The following CHD9 variants were observed in gnomAD, a reference collection of about 807,000 sequenced individuals.
CHD9 encodes the protein chromodomain helicase DNA binding protein 9.
In CHD9, 77 loss-of-function variants were observed where a neutral mutation model predicts 316.1. The ratio of observed to expected loss-of-function variants is 0.24; its 90% CI spans 0.20 to 0.29. The LOEUF is 0.29. CHD9 is among the 10% of genes least tolerant of loss of function. The pLI is 1.00. For missense variants in CHD9, 2,763 were observed against 3,438.1 expected (o/e 0.80, Z 4.91); for synonymous variants, 1,129 against 1,158.3 (o/e 0.97, Z 0.51).
intron 30 of CHD9, among the ~76,000 whole-genome samples, chr16:53,303,226 G>A (rs2055619565): frequency 6.9e-6 from 1 of 144,954 alleles, no homozygotes; most frequent in African/African-American, 2.6e-5. Context: ...ATCAGCTATC[G>A]TTAGTGTTAG....
At chr16:53,207,911 A>C in intron 2 of CHD9, 1 of 336,274 alleles carries the variant, frequency 3.0e-6, no homozygotes. Context: ...TGCAGAGTCT[A>C]ATGGAATAAT....
chr16:53,324,141 C>T lies in CHD9; in HGVS notation c.7940C>T (p.Ala2647Val). 6.2e-7 allele frequency: 1 copy of T among 1,614,024 alleles called. No individual in the cohort carries two copies. Among genetic ancestry groups the T allele is most frequent in the Non-Finnish European group, 8.5e-7 (1 of 1,179,894 alleles). Residue 2647 changes from alanine to valine, a missense_variant, in exon 39 of 39, where the codon GCT becomes GTT. Ala to Val is a moderately conservative substitution (Grantham distance 64). Transcript: ENST00000447540. ...GIAKATAAAAAASATSVSGNP... is the reference protein window; with the variant it reads ...GIAKATAAAAVASATSVSGNP... ...GCAAAGGCCACAGCAGCAGCAGCTG[C>T]TGCATCTGCCACCAGTGTTTCAGGC...
chr16:53,114,081 T>A (rs1308043635), intron 1 of CHD9, among the ~76,000 whole-genome samples: 1 of 151,340 alleles, frequency 6.6e-6, no homozygotes, highest in Non-Finnish European at 1.5e-5. Flanking sequence ...CTACTGTTTT[T>A]TCTTTAAAAA....
intron 37 of CHD9, chr16:53,319,743 C>A: frequency 1.2e-6 from 1 of 828,878 alleles, no homozygotes; most frequent in Non-Finnish European, 1.6e-6. Context: ...ATTATTGTAA[C>A]TTCATGAGAG....
chr16:53,204,894 A>C (rs1375681278), intron 2 of CHD9, among the ~76,000 whole-genome samples: 1 of 151,602 alleles, frequency 6.6e-6, no homozygotes, highest in Non-Finnish European at 1.5e-5. Flanking sequence ...CCCAGGCTAG[A>C]GTACGGTGGC....
intron 1 of CHD9, among the ~76,000 whole-genome samples, chr16:53,081,003 C>A (rs1342145554): frequency 4.6e-5 from 7 of 152,220 alleles, no homozygotes; most frequent in African/African-American, 1.7e-4. Context: ...TTATTCATTA[C>A]GCAAAGTGGG....
intron 34 of CHD9, 55 bp downstream of exon 34, chr16:53,308,909 ATCT>A: frequency 2.2e-6 from 3 of 1,377,626 alleles, no homozygotes; most frequent in Non-Finnish European, 3.0e-6. Flanking sequence ...TCATGTCCAA[ATCT>A]TCTTTTATAG....
chr16:53,141,156 G>A (rs568998423), intron 1 of CHD9, among the ~76,000 whole-genome samples: 2 of 152,256 alleles, frequency 1.3e-5, no homozygotes, highest in African/African-American at 2.4e-5. Context: ...TTTACACAGT[G>A]CTTTATGTGT....
At chr16:53,222,256 T>C (rs2152905529) in intron 3 of CHD9, among the ~76,000 whole-genome samples, 1 of 152,206 alleles carries the variant, frequency 6.6e-6, no homozygotes, top group South Asian at 2.1e-4. Flanking sequence ...TTTGTATTTT[T>C]AGTAGAGATG....
intron 26 of CHD9, among the ~76,000 whole-genome samples, chr16:53,287,735 A>G (rs547904653): frequency 7.0e-4 from 106 of 152,346 alleles, no homozygotes; most frequent in African/African-American, 2.5e-3. Flanking sequence ...CTCAAAAAAA[A>G]TAAAAATAAA....
intron 34 of CHD9, among the ~76,000 whole-genome samples, chr16:53,313,867 A>C (rs573448590): frequency 4.0e-5 from 6 of 151,620 alleles, no homozygotes; most frequent in Non-Finnish European, 7.4e-5. Context: ...GCAGGAGAAT[A>C]GCATGAACCC....
chr16:53,105,506 C>A (rs2037271081), intron 1 of CHD9, among the ~76,000 whole-genome samples: 1 of 152,070 alleles, frequency 6.6e-6, no homozygotes, highest in African/African-American at 2.4e-5. Flanking sequence ...TACGGGTATT[C>A]CATAATTTGG....
At chr16:53,274,130 TC>T in intron 23 of CHD9, 82 bp from the exon 24 acceptor site, 1 of 820,720 alleles carries the variant, frequency 1.2e-6, no homozygotes, top group Non-Finnish European at 2.1e-6. Context: ...GTACACAAAT[TC>T]CTTCCTAATT....
chr16:53,204,058 T>TATAC (rs773266940), intron 2 of CHD9, among the ~76,000 whole-genome samples: 21 of 63,004 alleles, frequency 3.3e-4, no homozygotes, highest in East Asian at 1.7e-3. Flanking sequence ...AATATATATA[T>TATAC]ACACACACAC....
chr16:53,082,723 C>T (rs905038163), intron 1 of CHD9, among the ~76,000 whole-genome samples: 2 of 152,240 alleles, frequency 1.3e-5, no homozygotes, highest in Admixed American at 1.3e-4. Context: ...AGGAGGAATT[C>T]GACCTTCAGA....
chr16:53,165,834 A>G (rs1316763938), intron 2 of CHD9, among the ~76,000 whole-genome samples: 2 of 152,146 alleles, frequency 1.3e-5, no homozygotes, highest in East Asian at 1.9e-4. Flanking sequence ...CGCACAATTA[A>G]AACACTTGTC....
chr16:53,324,645 A>G lies in CHD9; in HGVS notation c.8444A>G (p.His2815Arg), dbSNP rs772704253. 10 of 1,613,808 alleles carry G rather than the reference A, an allele frequency of 6.2e-6. No homozygotes were observed. The highest frequency in any genetic ancestry group is 7.6e-6 in the Non-Finnish European group (9 of 1,179,816). ...CTTCTCACTCCAGGCCTTAATCTTC[A>G]TATTCCAACTTTGTCCCAGTCCAAT... ...GMLLTPGLNL[H>R]IPTLSQSNTF... Residue 2815 changes from histidine (H) to arginine (R), a missense_variant, in exon 39 of 39, where the codon CAT (histidine) becomes CGT (arginine). This residue lies in a region of CHD9 where 298 missense variants were observed against 380.2 expected (regional missense o/e 0.78). Coordinates refer to ENST00000447540, the MANE Select transcript of CHD9 (RefSeq NM_001308319.2).
intron 8 of CHD9, 70 bp from the exon 9 acceptor site, chr16:53,231,349 G>A (rs2048159513): frequency 2.4e-6 from 2 of 824,682 alleles, no homozygotes; most frequent in Non-Finnish European, 4.0e-6. Context: ...TGAAATGCTA[G>A]TAAATTCGTC....
intron 2 of CHD9, among the ~76,000 whole-genome samples, chr16:53,185,033 T>A (rs1272302776): frequency 2.6e-4 from 39 of 152,204 alleles, no homozygotes; most frequent in Admixed American, 2.6e-3. Context: ...TTACCCAGTT[T>A]TGGGAAGTTC....
Sources: allele counts gnomAD v4.1 joint callset (sites outside exome capture counted in the v4.1 genomes callset), GRCh38; gene constraint gnomAD v4.1.1; regional missense constraint gnomAD v4.1.1; transcripts MANE v1.5; gene names NCBI Gene and HGNC (gene_info 2026-07-23, HGNC 2026-07-21).